ALK: variants seen among roughly 807,000 people sequenced by gnomAD.
ALK encodes the protein ALK receptor tyrosine kinase.
ALK carries 74 observed loss-of-function variants against 163.1 expected under a neutral mutation model. That is an observed-to-expected ratio of 0.45 (90% CI 0.38 to 0.55). ALK has a LOEUF of 0.55. Ranked by LOEUF, ALK falls within the 20% of genes least tolerant of loss-of-function variation. ALK has a pLI of 0.00. For missense variants in ALK, 2,063 were observed against 2,105.3 expected (o/e 0.98, Z 0.39); for synonymous variants, 960 against 843.2 (o/e 1.14, Z -2.40).
intron 4 of ALK, among the ~76,000 whole-genome samples, chr2:29,414,138 G>A (rs1669806735): frequency 6.6e-6 from 1 of 152,242 alleles, no homozygotes; most frequent in South Asian, 2.1e-4. Context: ...TTGATAGGAA[G>A]TTTTTAACTT....
chr2:29,202,176 C>G (rs1227295884), intron 26 of ALK, among the ~76,000 whole-genome samples: 2 of 152,186 alleles, frequency 1.3e-5, no homozygotes, highest in Admixed American at 6.5e-5. Context: ...TCTGGCTGTT[C>G]ACACTGGCTT....
chr2:29,367,712 T>C (rs898988951), intron 5 of ALK, among the ~76,000 whole-genome samples: 1 of 152,174 alleles, frequency 6.6e-6, no homozygotes, highest in Non-Finnish European at 1.5e-5. Flanking sequence ...ATGTTGTGTA[T>C]TGAAGGGCCC....
chr2:29,276,257 G>C (rs1369781510), intron 9 of ALK, among the ~76,000 whole-genome samples: 1 of 152,218 alleles, frequency 6.6e-6, no homozygotes, highest in Non-Finnish European at 1.5e-5. Context: ...AACCAACACA[G>C]GGGTCATAAA....
At chr2:29,482,317 G>A (rs1671681637) in intron 4 of ALK, among the ~76,000 whole-genome samples, 1 of 152,130 alleles carries the variant, frequency 6.6e-6, no homozygotes, top group Non-Finnish European at 1.5e-5. Context: ...TAGAGGGTTG[G>A]CCTGCAAGAA....
At chr2:29,468,918 CA>C (rs1283137843) in intron 4 of ALK, among the ~76,000 whole-genome samples, 1 of 147,330 alleles carries the variant, frequency 6.8e-6, no homozygotes, top group Non-Finnish European at 1.5e-5. Flanking sequence ...ACTGCCTTAC[CA>C]ATAACCCATT....
chr2:29,476,496 A>G (rs1671525208), intron 4 of ALK, among the ~76,000 whole-genome samples: 2 of 152,208 alleles, frequency 1.3e-5, no homozygotes, highest in Admixed American at 6.5e-5. Context: ...TCCAGAGACA[A>G]TCATGGTATG....
intron 19 of ALK, chr2:29,223,989 A>G (rs2148172414): frequency 3.3e-6 from 1 of 302,604 alleles, no homozygotes; most frequent in Non-Finnish European, 6.2e-6. Context: ...GGTGCCATGG[A>G]GCCTAAGGAA....
At chr2:29,781,328 A>C (rs1681325478) in intron 1 of ALK, among the ~76,000 whole-genome samples, 1 of 151,942 alleles carries the variant, frequency 6.6e-6, no homozygotes, top group Non-Finnish European at 1.5e-5. Context: ...CTTTTACACA[A>C]ATCTCTGTAT....
intron 5 of ALK, among the ~76,000 whole-genome samples, chr2:29,330,392 C>A (rs1298816204): frequency 1.3e-5 from 2 of 152,186 alleles, no homozygotes; most frequent in Non-Finnish European, 2.9e-5. Context: ...ACACCTTCCT[C>A]CCCACCTCCA....
intron 3 of ALK, among the ~76,000 whole-genome samples, chr2:29,616,600 C>A (rs555971375): frequency 6.6e-6 from 1 of 152,170 alleles, no homozygotes; most frequent in Admixed American, 6.5e-5. Context: ...GTGAGCATGG[C>A]AACCTCTGAA....
chr2:29,291,811 T>C (rs996239129), intron 9 of ALK, among the ~76,000 whole-genome samples: 1 of 152,218 alleles, frequency 6.6e-6, no homozygotes, highest in Non-Finnish European at 1.5e-5. Flanking sequence ...AAATCTACTA[T>C]TTCTCTACAC....
At chr2:29,752,266 G>A (rs983745781) in intron 1 of ALK, among the ~76,000 whole-genome samples, 2 of 151,716 alleles carry the variant, frequency 1.3e-5, no homozygotes, top group Non-Finnish European at 2.9e-5. Context: ...TTCCGAGCAC[G>A]TTTAAGGTAG....
Position 29,227,136 on chromosome 2 carries a change from T to C in ALK, c.2915-62A>G. On this transcript the variant is annotated intron_variant, in intron 17 of 28. Coordinates refer to ENST00000389048, the MANE Select transcript of ALK (RefSeq NM_004304.5). This position sits in a 1 kb window ranked among gnomAD's most constrained non-coding sequence, Gnocchi z 4.4. ...CCTGCCTCCCCACTCCCAGCCTCAG[T>C]ACTATGTCTCCAGGTGGTCACTGTG... 2 of 1,610,282 alleles carry C rather than the reference T, an allele frequency of 1.2e-6. No homozygotes were observed. The highest frequency in any genetic ancestry group is 1.3e-5 in the African/African-American group (1 of 74,952).
chr2:29,415,870 A>G (rs1254546985), intron 4 of ALK, among the ~76,000 whole-genome samples: 1 of 152,216 alleles, frequency 6.6e-6, no homozygotes, highest in African/African-American at 2.4e-5. Flanking sequence ...GCCCTTGGAC[A>G]TCAGAGCTTT....
chr2:29,839,326 G>T (rs1438704148), intron 1 of ALK, among the ~76,000 whole-genome samples: 1 of 152,048 alleles, frequency 6.6e-6, no homozygotes, highest in Non-Finnish European at 1.5e-5. Context: ...GTTTTTTTAA[G>T]TACCTAGAGA....
intron 4 of ALK, among the ~76,000 whole-genome samples, chr2:29,402,228 G>A (rs11904314): frequency 0.046 from 6,955 of 152,344 alleles, 418 homozygotes; most frequent in African/African-American, 0.14. Flanking sequence ...AGATTGTGTG[G>A]GGGGCCAGGG....
At chr2:29,680,288 C>T (rs568206500) in intron 3 of ALK, among the ~76,000 whole-genome samples, 6 of 152,098 alleles carry the variant, frequency 3.9e-5, no homozygotes, top group Non-Finnish European at 8.8e-5. Flanking sequence ...TTTCTTTTCT[C>T]TCTTATAGGA....
intron 28 of ALK, among the ~76,000 whole-genome samples, chr2:29,194,662 A>AC (rs1374707737): frequency 4.1e-4 from 13 of 32,040 alleles, no homozygotes; most frequent in Middle Eastern, 0.059. Context: ...CCACCCCCCC[A>AC]CCCCCCCACC....
intron 4 of ALK, among the ~76,000 whole-genome samples, chr2:29,499,161 G>C (rs1672105395): frequency 6.6e-6 from 1 of 152,042 alleles, no homozygotes; most frequent in South Asian, 2.1e-4. Flanking sequence ...TGGCATTTGA[G>C]AATCCAACAT....
Sources: gnomAD v4.1 joint callset for allele counts (sites outside exome capture counted in the v4.1 genomes callset) on GRCh38, gnomAD v4.1.1 for gene constraint, Gnocchi (gnomAD v3.1) non-coding constraint, MANE v1.5 for transcripts, NCBI Gene and HGNC (gene_info 2026-07-23, HGNC 2026-07-21) for gene names.